The following TBC1D22A variants were observed in gnomAD, a reference collection of about 807,000 sequenced individuals.
The protein encoded by TBC1D22A is TBC1 domain family member 22A, also known as putative GTPase activator.
A neutral mutation model predicts 60.2 loss-of-function variants in TBC1D22A; 38 were observed. The observed-to-expected ratio is 0.63, with a 90% confidence interval of 0.49 to 0.83. The LOEUF (loss-of-function observed/expected upper bound fraction) is 0.83, where lower values mean the gene tolerates loss of function less well. TBC1D22A is among the 40% of genes least tolerant of loss of function. The probability of loss-of-function intolerance (pLI) is 0.00; values close to 1 mark genes in which losing one functional copy is unlikely to be tolerated. For missense variants in TBC1D22A, 628 were observed against 701.0 expected (o/e 0.90, Z 1.18); for synonymous variants, 302 against 281.7 (o/e 1.07, Z -0.72).
chr22:47,102,353 G>A (rs2065453058), intron 11 of TBC1D22A, among the ~76,000 whole-genome samples: 1 of 152,150 alleles, frequency 6.6e-6, no homozygotes, highest in Admixed American at 6.5e-5. Context: ...GCCTCCTCCT[G>A]CTTGACCCAC....
intron 4 of TBC1D22A, among the ~76,000 whole-genome samples, chr22:46,862,837 G>C (rs1303843569): frequency 6.6e-6 from 1 of 152,176 alleles, no homozygotes; most frequent in Non-Finnish European, 1.5e-5. Flanking sequence ...TCTGATTCTG[G>C]GGTGCAGGAC....
At position 46,777,076 on chromosome 22, in the gene TBC1D22A, A is replaced by G. The variant is rs1424084161; in HGVS notation, c.62+14228A>G. ...AAGAGAGATGTGTGGGAGGTTTCCA[A>G]GGTGACCTAGAGGATGTGGAGACGT... On this transcript the variant is annotated intron_variant, in intron 1 of 12. Transcript: ENST00000337137. The surrounding 1 kb of genome is among the most constrained non-coding windows in gnomAD (Gnocchi z 4.5). Among the ~76,000 whole-genome samples the G allele has an allele frequency of 6.6e-6, 1 of 152,080 alleles. No individual in the cohort carries two copies. The highest frequency in any genetic ancestry group is 1.9e-4 in the East Asian group (1 of 5,176).
intron 12 of TBC1D22A, among the ~76,000 whole-genome samples, chr22:47,151,737 G>A (rs575730820): frequency 1.3e-5 from 2 of 152,348 alleles, no homozygotes; most frequent in South Asian, 2.1e-4. Context: ...TCTCCTGGAA[G>A]CCCTGCGTCT....
chr22:47,124,454 T>C (rs968407047), intron 12 of TBC1D22A, among the ~76,000 whole-genome samples: 3 of 152,204 alleles, frequency 2.0e-5, no homozygotes, highest in African/African-American at 7.2e-5. Flanking sequence ...GCGCATGTCC[T>C]GGGACGCATT....
intron 10 of TBC1D22A, among the ~76,000 whole-genome samples, chr22:47,019,656 G>A (rs2062015367): frequency 6.6e-6 from 1 of 152,040 alleles, no homozygotes. Flanking sequence ...GACGTTGTGG[G>A]CAGTGGTGTG....
rs373563699 is a variant in TBC1D22A, at chr22:47,135,966, GA to G, written c.1425+24364del. ...GTGGTGAGGTCACTGTGGCCGAGTA[GA>G]TGGGCCAGGGACACCGGTTGAGGAG... is the stretch of plus-strand genomic sequence containing the variant. On this transcript the variant is annotated intron_variant, in intron 12 of 12. Transcript: ENST00000337137. Among the ~76,000 whole-genome samples the G allele has an allele frequency of 6.0e-3, 917 of 152,366 alleles. 14 individuals carry two copies. Among genetic ancestry groups the G allele is most frequent in the African/African-American group, 0.021 (879 of 41,588 alleles).
chr22:46,821,850 CTCCCCA>C (rs2085845340), intron 4 of TBC1D22A, among the ~76,000 whole-genome samples: 1 of 152,090 alleles, frequency 6.6e-6, no homozygotes, highest in Non-Finnish European at 1.5e-5. Flanking sequence ...TGTTTCCATT[CTCCCCA>C]TCCCCTTCTG....
At chr22:47,079,614 C>T (rs1414723504) in intron 11 of TBC1D22A, among the ~76,000 whole-genome samples, 5 of 152,012 alleles carry the variant, frequency 3.3e-5, no homozygotes, top group Admixed American at 6.6e-5. Flanking sequence ...AACCCTAGAG[C>T]GACCACTAGC....
rs570084945 is a variant in TBC1D22A at position 46,822,317 on chromosome 22, C to T, written c.637+24697C>T. Among the ~76,000 whole-genome samples, 10 of 151,956 alleles carry T rather than the reference C, an allele frequency of 6.6e-5. No individual in the cohort carries two copies. In the South Asian group the frequency reaches 2.1e-3, roughly 32 times the overall value. ...CTGTGATCATTTGGAGGAGATGAGG[C>T]ACTCTGGCCTTTTGGGTTTTCAGCA... On this transcript the variant is annotated intron_variant, in intron 4 of 12. Coordinates refer to ENST00000337137, the MANE Select transcript of TBC1D22A (RefSeq NM_014346.5).
intron 8 of TBC1D22A, among the ~76,000 whole-genome samples, chr22:46,930,347 A>C (rs554103020): frequency 1.3e-5 from 2 of 152,328 alleles, no homozygotes; most frequent in East Asian, 3.9e-4. Flanking sequence ...GTTAGGTTTT[A>C]AAGTGAAATT....
At chr22:46,784,474 A>G (rs1162589079) in intron 1 of TBC1D22A, among the ~76,000 whole-genome samples, 1 of 152,096 alleles carries the variant, frequency 6.6e-6, no homozygotes, top group Non-Finnish European at 1.5e-5. Flanking sequence ...CTTTTTAGCT[A>G]TGCAAAATCA....
chr22:46,939,107 A>C (rs1038767655), intron 8 of TBC1D22A, among the ~76,000 whole-genome samples: 1 of 146,024 alleles, frequency 6.8e-6, no homozygotes, highest in Non-Finnish European at 1.5e-5. Context: ...TTCATTAAGC[A>C]CAGAGAATTT....
At chr22:47,153,084 T>A (rs936514799) in intron 12 of TBC1D22A, among the ~76,000 whole-genome samples, 3 of 152,208 alleles carry the variant, frequency 2.0e-5, no homozygotes, top group African/African-American at 7.2e-5. Context: ...TTCTCTGCTG[T>A]CTGTGGCTTC....
chr22:46,817,284 TA>T lies in TBC1D22A; in HGVS notation c.637+19672del, dbSNP rs371130663. On this transcript the variant is annotated intron_variant, in intron 4 of 12. Coordinates refer to ENST00000337137, the MANE Select transcript of TBC1D22A (RefSeq NM_014346.5). ...CCTTTTTTTTTTTCTTTATTCCTTC[TA>T]AAAAAAATCTGGGATACAGGTGCAG... Among the ~76,000 whole-genome samples, 480 of 151,596 alleles carry T rather than the reference TA, an allele frequency of 3.2e-3. 1 individual carries two copies. Among genetic ancestry groups the T allele is most frequent in the African/African-American group, 0.011 (459 of 41,270 alleles).
chr22:46,976,434 C>T (rs4439), intron 9 of TBC1D22A, among the ~76,000 whole-genome samples: 30,773 of 152,170 alleles, frequency 0.2, 3,886 homozygotes, highest in East Asian at 0.27. Flanking sequence ...CTTGGCAGCT[C>T]AGCTGTGATT....
chr22:46,841,736 C>A (rs575013049), intron 4 of TBC1D22A, among the ~76,000 whole-genome samples: 2 of 152,088 alleles, frequency 1.3e-5, no homozygotes, highest in African/African-American at 4.8e-5. Context: ...TTCGTTTATA[C>A]GATGAATCAG....
chr22:46,804,273 T>G (rs1162940879), intron 4 of TBC1D22A, among the ~76,000 whole-genome samples: 1 of 152,388 alleles, frequency 6.6e-6, no homozygotes, highest in Non-Finnish European at 1.5e-5. Context: ...TTTTCTCTGC[T>G]CATTTTGTCA....
chr22:46,829,393 T>G (rs2086210521), intron 4 of TBC1D22A, among the ~76,000 whole-genome samples: 1 of 151,994 alleles, frequency 6.6e-6, no homozygotes, highest in Non-Finnish European at 1.5e-5. Flanking sequence ...GCCTGGTGAG[T>G]AGGGGTTTGT....
At chr22:47,091,546 G>T (rs1461212613) in intron 11 of TBC1D22A, among the ~76,000 whole-genome samples, 1 of 149,254 alleles carries the variant, frequency 6.7e-6, no homozygotes, top group Admixed American at 6.7e-5. Context: ...GTCTTTGGGG[G>T]GGTGTGGCCT....
Sources: allele counts gnomAD v4.1 joint callset (sites outside exome capture counted in the v4.1 genomes callset), GRCh38; gene constraint gnomAD v4.1.1; non-coding constraint Gnocchi (gnomAD v3.1); transcripts MANE v1.5; gene names NCBI Gene and HGNC (gene_info 2026-07-23, HGNC 2026-07-21).